ING3: variants seen among roughly 807,000 people sequenced by gnomAD.
ING3 encodes the protein inhibitor of growth protein 3.
In ING3, 6 loss-of-function variants were observed where a neutral mutation model predicts 64.8. The observed-to-expected ratio is 0.09, with a 90% CI of 0.05 to 0.18. The LOEUF is 0.18. ING3 is among the 10% of genes least tolerant of loss of function. The probability of loss-of-function intolerance (pLI) is 1.00; values close to 1 mark genes in which losing one functional copy is unlikely to be tolerated. For synonymous variants in ING3, 170 were observed against 173.7 expected, an observed-to-expected ratio of 0.98 and a Z score of 0.17; for missense variants, 310 against 489.7, an observed-to-expected ratio of 0.63 and a Z score of 3.46.
At chr7:120,952,023 A>C (rs1795773978) in intron 2 of ING3, among the ~76,000 whole-genome samples, 1 of 152,120 alleles carries the variant, frequency 6.6e-6, no homozygotes, top group South Asian at 2.1e-4. Flanking sequence ...ACCCACTTCT[A>C]TACCCTTTGC....
At chr7:120,966,557 G>A (rs1309122703) in intron 5 of ING3, 69 bp from the exon 6 acceptor site, 13 of 1,167,872 alleles carry the variant, frequency 1.1e-5, no homozygotes, top group Non-Finnish European at 1.3e-6. Flanking sequence ...ATTGCCTGTA[G>A]TTGAGTGACA....
At chr7:120,955,751 C>G (rs1795837206) in intron 4 of ING3, 127 bp downstream of exon 4, 1 of 657,128 alleles carries the variant, frequency 1.5e-6, no homozygotes, top group East Asian at 2.8e-5. Flanking sequence ...TTGATCACAT[C>G]TAATTTGACA....
intron 10 of ING3, among the ~76,000 whole-genome samples, chr7:120,972,514 G>C (rs957683594): frequency 1.3e-5 from 2 of 152,110 alleles, no homozygotes; most frequent in African/African-American, 4.8e-5. Flanking sequence ...GTTTTCCTCT[G>C]TAACACTAAA....
Position 120,976,428 on chromosome 7 carries a change from T to G in ING3, c.*1584T>G, listed in dbSNP as rs1412664521. ...TGATTCTGAGCTGCCACAGTCTGAT[T>G]ATACAACTCTACCAGCTCCCTAAAC... On this transcript the variant is annotated 3_prime_UTR_variant, in exon 12 of 12. Transcript: ENST00000315870. The G allele has an allele frequency of 1.3e-5, 2 of 152,142 alleles. No individual in the cohort carries two copies. Among genetic ancestry groups the G allele is most frequent in the Non-Finnish European group, 2.9e-5 (2 of 68,008 alleles). 9.4% of individuals were successfully genotyped at this position (152,142 alleles called of 1,614,324 possible).
At chr7:120,963,771 A>G (rs967526738) in intron 4 of ING3, among the ~76,000 whole-genome samples, 14 of 152,112 alleles carry the variant, frequency 9.2e-5, no homozygotes, top group Non-Finnish European at 2.1e-4. Flanking sequence ...CATGTTAGTT[A>G]CACATTATTT....
In ING3 at chr7:120,966,672, T is replaced by C. The variant is rs777033556; in HGVS notation, c.411T>C (p.His137=). 9 of 1,613,562 alleles carry C rather than the reference T, an allele frequency of 5.6e-6. No individual in the cohort carries two copies. The East Asian group carries it at 6.7e-5, about 12-fold the overall frequency. The change falls in exon 6 of 12, where the codon CAT becomes CAC. Residue 137 remains histidine (H), a synonymous_variant. Transcript: ENST00000315870. Reference sequence around the variant, plus strand: ...CTTCACAGCCAGTGAACAATCACCATGCTCATTCACATACTCCAGTGGAAA... The same window carrying C: ...CTTCACAGCCAGTGAACAATCACCACGCTCATTCACATACTCCAGTGGAAA... ...DTPSQPVNNH[H]AHSHTPVEKR...
chr7:120,969,970 A>T (rs958764991), intron 9 of ING3, among the ~76,000 whole-genome samples: 1 of 152,220 alleles, frequency 6.6e-6, no homozygotes, highest in African/African-American at 2.4e-5. Context: ...GTAATTTCTT[A>T]TGATAAAGTT....
chr7:120,969,852 T>C (rs1796043823), intron 9 of ING3, among the ~76,000 whole-genome samples: 2 of 152,230 alleles, frequency 1.3e-5, no homozygotes, highest in South Asian at 4.1e-4. Flanking sequence ...TTAAAATATG[T>C]TATATTTTTT....
In ING3 at chr7:120,974,844, A is replaced by G. The variant is rs768791033; in HGVS notation, c.1257A>G (p.Ter419=). 3.8e-6 allele frequency: 6 copies of G among 1,590,272 alleles called. No homozygotes were observed. The highest frequency in any genetic ancestry group is 4.3e-6 in the Non-Finnish European group (5 of 1,163,302). ...AGAGAAGAGGCAGCAGACACAAATA[A>G]AGGTGGTCCTTTTGTTTGATGAAGA... is the stretch of plus-strand genomic sequence containing the variant. ...AMKRRGSRHK[*] The change falls in exon 12 of 12, where the codon TAA becomes TAG. Residue 419 remains the stop codon, a stop_retained_variant. Transcript: ENST00000315870.
intron 1 of ING3, 89 bp downstream of exon 1, chr7:120,951,013 G>A: frequency 4.0e-6 from 6 of 1,485,630 alleles, no homozygotes; most frequent in Admixed American, 3.4e-5. Context: ...GCGGGAGGGA[G>A]GGGGCGGCGG....
At position 120,975,229 on chromosome 7, in the gene ING3, T is replaced by C. The variant is rs1209014722; in HGVS notation, c.*385T>C. ...TATTCAACAGGTATATTCTGCTGCA[T>C]GTACTGTACTCCAGAGCTGTTATGT... is the stretch of plus-strand genomic sequence containing the variant. On this transcript the variant is annotated 3_prime_UTR_variant, in exon 12 of 12. Transcript: ENST00000315870. The C allele has an allele frequency of 1.3e-5, 2 of 156,066 alleles. No individual in the cohort carries two copies. The highest frequency in any genetic ancestry group is 4.8e-5 in the African/African-American group (2 of 41,322). 9.7% of individuals were successfully genotyped at this position (156,066 alleles called of 1,614,324 possible).
chr7:120,959,022 T>G (rs1245866387), intron 4 of ING3, among the ~76,000 whole-genome samples: 4 of 152,262 alleles, frequency 2.6e-5, no homozygotes, highest in Non-Finnish European at 5.9e-5. Context: ...GTAAATTTAA[T>G]GCTTATTGCC....
Position 120,969,494 on chromosome 7 carries a change from G to T in ING3, c.908+290G>T, listed in dbSNP as rs560724979. ...TTAAGATAAATCATTTTATGGAACT[G>T]CTTTTCATTTATTACCCTTTATTTT... On this transcript the variant is annotated intron_variant, in intron 9 of 11. Transcript: ENST00000315870. 4.6e-5 allele frequency among the ~76,000 whole-genome samples: 7 copies of T among 150,888 alleles called. No homozygotes were observed. The South Asian group carries it at 6.3e-4, about 14-fold the overall frequency.
Position 120,974,787 on chromosome 7 carries a change from A to G in ING3, c.1200A>G (p.Lys400=), listed in dbSNP as rs200075183. ...GATTGACAGAGGCACCAAAAGGCAA[A>G]TGGTACTGTCCACAGTGCACTGCTG... is the stretch of plus-strand genomic sequence containing the variant. The part of the protein sequence containing the change: ...CVGLTEAPKG[K]WYCPQCTAAM... The change falls in exon 12 of 12, where the codon AAA becomes AAG. Residue 400 remains lysine, a synonymous_variant. Transcript: ENST00000315870. The G allele has an allele frequency of 1.9e-5, 31 of 1,612,988 alleles. No individual in the cohort carries two copies. Among genetic ancestry groups the G allele is most frequent in the Non-Finnish European group, 2.5e-5 (29 of 1,179,220 alleles).
At position 120,967,668 on chromosome 7, in the gene ING3, T is replaced by C. The variant is rs1391681654; in HGVS notation, c.556+20T>C. On this transcript the variant is annotated intron_variant, in intron 7 of 11. Coordinates refer to ENST00000315870, the MANE Select transcript of ING3 (RefSeq NM_019071.3). ...CACTAGGTAAGTTAATTTTCTTAAATATGATTGCTTTGTTTGTTTGTGTTA... is the reference window on the plus strand; with the variant it reads ...CACTAGGTAAGTTAATTTTCTTAAACATGATTGCTTTGTTTGTTTGTGTTA... The C allele has an allele frequency of 1.9e-6, 3 of 1,575,240 alleles. No individual in the cohort carries two copies. The highest frequency in any genetic ancestry group is 2.6e-6 in the Non-Finnish European group (3 of 1,164,356).
intron 8 of ING3, among the ~76,000 whole-genome samples, 166 bp from the exon 9 acceptor site, chr7:120,968,845 C>CA (rs377274991): frequency 0.011 from 652 of 58,842 alleles, 14 homozygotes; most frequent in African/African-American, 0.018. Flanking sequence ...AACTCCACCT[C>CA]AAAAAAAAAA....
At chr7:120,957,949 A>G (rs1795875426) in intron 4 of ING3, among the ~76,000 whole-genome samples, 1 of 152,202 alleles carries the variant, frequency 6.6e-6, no homozygotes, top group Admixed American at 6.5e-5. Flanking sequence ...AAGGGTTTGC[A>G]TTAGAATACA....
chr7:120,970,220 C>A (rs994182217), intron 9 of ING3, among the ~76,000 whole-genome samples: 7 of 152,044 alleles, frequency 4.6e-5, no homozygotes, highest in African/African-American at 1.7e-4. Flanking sequence ...AATCCCAGCA[C>A]TTTGGGAGGC....
chr7:120,963,025 T>A (rs894251200), intron 4 of ING3, among the ~76,000 whole-genome samples: 11 of 152,114 alleles, frequency 7.2e-5, no homozygotes, highest in African/African-American at 2.7e-4. Context: ...TTAGTATAAT[T>A]GTAGGTACAA....
Sources: allele counts gnomAD v4.1 joint callset (sites outside exome capture counted in the v4.1 genomes callset), GRCh38; gene constraint gnomAD v4.1.1; transcripts MANE v1.5; gene names NCBI Gene and HGNC (gene_info 2026-07-23, HGNC 2026-07-21).